The following TMTC2 variants were observed in gnomAD, a reference collection of about 807,000 sequenced individuals.
The protein encoded by TMTC2 is transmembrane O-mannosyltransferase targeting cadherins 2.
In TMTC2, 43 loss-of-function variants were observed where a neutral mutation model predicts 82.4. That is an observed-to-expected ratio of 0.52 (90% CI 0.41 to 0.67). The LOEUF is 0.67. Ranked by LOEUF, TMTC2 falls within the 30% of genes least tolerant of loss-of-function variation. TMTC2 has a pLI of 0.00. For synonymous variants in TMTC2, 408 were observed against 381.9 expected (o/e 1.07, Z -0.80); for missense variants, 919 against 1,012.4 (o/e 0.91, Z 1.25).
chr12:82,697,923 C>G (rs1872887612), intron 1 of TMTC2, among the ~76,000 whole-genome samples: 2 of 152,050 alleles, frequency 1.3e-5, no homozygotes, highest in African/African-American at 4.8e-5. Context: ...TTCAGGCAAG[C>G]AGCAAAAATG....
At chr12:82,699,066 G>C (rs1872948666) in intron 1 of TMTC2, among the ~76,000 whole-genome samples, 1 of 152,128 alleles carries the variant, frequency 6.6e-6, no homozygotes, top group Non-Finnish European at 1.5e-5. Flanking sequence ...GGATAAGGGG[G>C]TCTACTGTAT....
intron 2 of TMTC2, among the ~76,000 whole-genome samples, chr12:82,875,449 G>A (rs949462587): frequency 1.5e-4 from 23 of 152,016 alleles, no homozygotes; most frequent in African/African-American, 4.8e-4. Context: ...GAGCCTGAGC[G>A]TGCAAGACCT....
At chr12:82,907,797 A>G (rs1254603783) in intron 3 of TMTC2, among the ~76,000 whole-genome samples, 1 of 152,170 alleles carries the variant, frequency 6.6e-6, no homozygotes, top group East Asian at 1.9e-4. Flanking sequence ...AATTTTTCTG[A>G]TTTCCATATT....
chr12:82,708,626 G>A (rs565638024), intron 1 of TMTC2, among the ~76,000 whole-genome samples: 2 of 152,266 alleles, frequency 1.3e-5, no homozygotes, highest in African/African-American at 4.8e-5. Context: ...CGTGGTCCTG[G>A]CAGTCCTGTT....
intron 4 of TMTC2, among the ~76,000 whole-genome samples, chr12:82,945,463 T>A (rs1388575186): frequency 5.3e-5 from 8 of 152,190 alleles, no homozygotes; most frequent in Non-Finnish European, 1.2e-4. Flanking sequence ...ATAAAGAAGT[T>A]CATAATCACA....
rs533382437 is a variant in TMTC2 at position 82,798,112 on chromosome 12, C to T, written c.84-58898C>T. ...CTAAGGCTACAAGCACCTGCCAGGA[C>T]GCCCGGCTAATTTTCTGTATTTTTA... is the stretch of plus-strand genomic sequence containing the variant. On this transcript the variant is annotated intron_variant, in intron 1 of 11. Coordinates refer to ENST00000321196, the MANE Select transcript of TMTC2 (RefSeq NM_152588.3). Among the ~76,000 whole-genome samples, 78 of 150,750 alleles carry T rather than the reference C, an allele frequency of 5.2e-4. 1 individual carries two copies. The highest frequency in any genetic ancestry group is 4.9e-3 in the Admixed American group (75 of 15,170).
At chr12:82,884,097 C>T (rs959939448) in intron 2 of TMTC2, among the ~76,000 whole-genome samples, 1 of 152,146 alleles carries the variant, frequency 6.6e-6, no homozygotes, top group Non-Finnish European at 1.5e-5. Context: ...GGCTATGGCA[C>T]ACCCCTTGCA....
chr12:82,854,901 A>G (rs1245807101), intron 1 of TMTC2, among the ~76,000 whole-genome samples: 2 of 152,182 alleles, frequency 1.3e-5, no homozygotes, highest in Non-Finnish European at 2.9e-5. Flanking sequence ...TTCCCAGGTT[A>G]TGGGTCAGGA....
At chr12:82,958,363 A>T in intron 4 of TMTC2, among the ~76,000 whole-genome samples, 1 of 99,814 alleles carries the variant, frequency 1.0e-5, no homozygotes, top group African/African-American at 4.7e-5. Context: ...TCAAAAAAAA[A>T]AAAAAAACAA....
At chr12:82,738,144 T>G (rs1301301005) in intron 1 of TMTC2, among the ~76,000 whole-genome samples, 5 of 152,228 alleles carry the variant, frequency 3.3e-5, no homozygotes. Flanking sequence ...TATAATTAGG[T>G]AATTTTTTTA....
intron 11 of TMTC2, among the ~76,000 whole-genome samples, chr12:83,091,937 A>T (rs1883860255): frequency 6.6e-6 from 1 of 152,226 alleles, no homozygotes; most frequent in South Asian, 2.1e-4. Context: ...ATCTGGAAAT[A>T]GATATGTGAT....
In TMTC2 at chr12:82,848,591, A is replaced by G. The variant is rs190840039; in HGVS notation, c.84-8419A>G. 2.6e-5 allele frequency among the ~76,000 whole-genome samples: 4 copies of G among 152,294 alleles called. No homozygotes were observed. The East Asian group carries it at 7.7e-4, about 29-fold the overall frequency. Reference sequence around the variant, plus strand: ...TTGCTTATAAATGAATGAATGAATAAAGGAATGAGTGAGTGATTTTCTCTG... The same window carrying G: ...TTGCTTATAAATGAATGAATGAATAGAGGAATGAGTGAGTGATTTTCTCTG... On this transcript the variant is annotated intron_variant, in intron 1 of 11. Coordinates refer to ENST00000321196, the MANE Select transcript of TMTC2 (RefSeq NM_152588.3).
chr12:83,071,837 G>A (rs1883126227), intron 11 of TMTC2, among the ~76,000 whole-genome samples: 1 of 152,022 alleles, frequency 6.6e-6, no homozygotes, highest in African/African-American at 2.4e-5. Context: ...ATTTTCGGTG[G>A]TGTCAGTTGT....
intron 1 of TMTC2, among the ~76,000 whole-genome samples, chr12:82,848,937 G>T (rs1350692720): frequency 6.6e-6 from 1 of 152,146 alleles, no homozygotes; most frequent in African/African-American, 2.4e-5. Flanking sequence ...TAGTAATCCA[G>T]GTAGAGGGGG....
intron 9 of TMTC2, among the ~76,000 whole-genome samples, chr12:83,043,830 G>T (rs1881986286): frequency 6.6e-6 from 1 of 152,210 alleles, no homozygotes; most frequent in African/African-American, 2.4e-5. Flanking sequence ...TCTGTTTTCA[G>T]ATTATTTCCT....
chr12:83,062,961 C>A (rs1167386686), intron 11 of TMTC2, among the ~76,000 whole-genome samples: 3 of 151,672 alleles, frequency 2.0e-5, no homozygotes, highest in Non-Finnish European at 4.4e-5. Context: ...CTTAAGCATC[C>A]TAAGGCTCAT....
rs1048989835 is a variant in TMTC2, at chr12:83,028,153, A to G, written c.2071-2645A>G. The stretch of plus-strand genomic sequence containing the variant: ...AAACAAAATACATTATTTGTCATTT[A>G]TAACTGCATTTTTTGCACACTGTCG... On this transcript the variant is annotated intron_variant, in intron 8 of 11. Transcript: ENST00000321196. Among the ~76,000 whole-genome samples the G allele has an allele frequency of 5.9e-5, 9 of 152,284 alleles. No individual in the cohort carries two copies. The East Asian group carries it at 1.2e-3, about 20-fold the overall frequency.
intron 1 of TMTC2, among the ~76,000 whole-genome samples, chr12:82,742,516 A>G (rs1191511676): frequency 2.0e-5 from 3 of 150,464 alleles, no homozygotes; most frequent in Non-Finnish European, 4.4e-5. Context: ...TATATCCTGT[A>G]TATTCTTTTT....
At position 82,951,200 on chromosome 12, in the gene TMTC2, T is replaced by A. The variant is rs551922870; in HGVS notation, c.1599-13824T>A. 5.9e-5 allele frequency among the ~76,000 whole-genome samples: 9 copies of A among 152,336 alleles called. No individual in the cohort carries two copies. The East Asian group carries it at 1.5e-3, about 26-fold the overall frequency. On this transcript the variant is annotated intron_variant, in intron 4 of 11. Transcript: ENST00000321196. ...ACCTAGTTTATGTGTGGCATGGTGG[T>A]GGTTTTTCTGTCCATCTCCTTTTTT... is the stretch of plus-strand genomic sequence containing the variant.
Sources: gnomAD v4.1 joint callset for allele counts (sites outside exome capture counted in the v4.1 genomes callset) on GRCh38, gnomAD v4.1.1 for gene constraint, MANE v1.5 for transcripts, NCBI Gene and HGNC (gene_info 2026-07-23, HGNC 2026-07-21) for gene names.